Variants in MOB1B observed in about 807,000 individuals in gnomAD.
MOB1B encodes MOB1 Mps One Binder homolog B.
MOB1B carries 19 observed loss-of-function variants against 24.4 expected under a neutral mutation model. The observed-to-expected ratio is 0.78, with a 90% CI of 0.54 to 1.14. The LOEUF (loss-of-function observed/expected upper bound fraction) is 1.14, where lower values mean the gene tolerates loss of function less well. Ranked by LOEUF, MOB1B falls within the 50% of genes most tolerant of loss-of-function variation. The probability of loss-of-function intolerance (pLI) is 0.00; values close to 1 mark genes in which losing one functional copy is unlikely to be tolerated. For missense variants in MOB1B, 243 were observed against 259.6 expected, an observed-to-expected ratio of 0.94 and a Z score of 0.44; for synonymous variants, 76 against 82.1, an observed-to-expected ratio of 0.93 and a Z score of 0.40.
intron 1 of MOB1B, among the ~76,000 whole-genome samples, chr4:70,945,768 A>G (rs1737548280): frequency 6.6e-6 from 1 of 152,218 alleles, no homozygotes; most frequent in Non-Finnish European, 1.5e-5. Flanking sequence ...GTCTGAACAC[A>G]GAGAAGGCAT....
intron 1 of MOB1B, 118 bp downstream of exon 1, chr4:70,902,668 C>T (rs1041882300): frequency 1.8e-5 from 17 of 961,394 alleles, no homozygotes; most frequent in African/African-American, 1.8e-5. Context: ...GCTCCCGGGG[C>T]CCGGCGTCAC....
chr4:70,957,511 G>T (rs1738117330), intron 1 of MOB1B, among the ~76,000 whole-genome samples: 1 of 150,796 alleles, frequency 6.6e-6, no homozygotes, highest in East Asian at 1.9e-4. Flanking sequence ...ATTGCTCACT[G>T]CAGTCTTGAA....
At chr4:70,909,710 C>T (rs62325390) in intron 1 of MOB1B, among the ~76,000 whole-genome samples, 1 of 151,888 alleles carries the variant, frequency 6.6e-6, no homozygotes, top group Non-Finnish European at 1.5e-5. Context: ...AAGTCTAGGT[C>T]CAGAGATCCT....
chr4:70,967,253 C>T (rs1738570349), intron 2 of MOB1B, among the ~76,000 whole-genome samples: 1 of 152,096 alleles, frequency 6.6e-6, no homozygotes, highest in South Asian at 2.1e-4. Context: ...CCTGTCTCAG[C>T]CCCCTGAGTA....
At chr4:70,911,582 C>G (rs1395000489) in intron 1 of MOB1B, among the ~76,000 whole-genome samples, 1 of 151,396 alleles carries the variant, frequency 6.6e-6, no homozygotes, top group Non-Finnish European at 1.5e-5. Flanking sequence ...GCTTTTTTTT[C>G]CTTTACATAC....
At chr4:70,908,847 C>G (rs1201007284) in intron 1 of MOB1B, among the ~76,000 whole-genome samples, 1 of 148,930 alleles carries the variant, frequency 6.7e-6, no homozygotes, top group African/African-American at 2.5e-5. Flanking sequence ...GTCAGGAGTT[C>G]AAGACCAGCC....
At chr4:70,966,074 TTA>T (rs1380280794) in intron 2 of MOB1B, among the ~76,000 whole-genome samples, 1 of 152,156 alleles carries the variant, frequency 6.6e-6, no homozygotes, top group Non-Finnish European at 1.5e-5. Context: ...AATATTAGTT[TTA>T]TGAGTTCTAC....
Position 70,970,041 on chromosome 4 carries a change from G to C in MOB1B, c.275+17G>C, listed in dbSNP as rs751466380. 8.7e-6 allele frequency: 12 copies of C among 1,382,702 alleles called. No individual in the cohort carries two copies. The Admixed American group carries it at 2.1e-4, about 24-fold the overall frequency. The allele number at this position is 1,382,702 out of a possible 1,614,324, so 85.7% of individuals were successfully genotyped here. ...TGGCCCAAAGTAAGACATAGTTAATGATCAGTTTCTTATTTTTACATTATT... is the reference window on the plus strand; with the variant it reads ...TGGCCCAAAGTAAGACATAGTTAATCATCAGTTTCTTATTTTTACATTATT... On this transcript the variant is annotated intron_variant, in intron 3 of 5. Transcript: ENST00000309395.
chr4:70,902,545 C>T lies in MOB1B; in HGVS notation c.9C>T (p.Phe3=). The change falls in exon 1 of 6, where the codon TTC becomes TTT. Residue 3 remains phenylalanine, a synonymous_variant. Coordinates refer to ENST00000309395, the MANE Select transcript of MOB1B (RefSeq NM_173468.4). MS[F]LFGSRSSKTF... is the part of the protein sequence containing the mutation. ...CCTGCCCCGCGGCCAACATGAGCTT[C>T]TTGTTGTGAGTAGCCAGGCCCCGCA... 1 of 1,564,442 alleles carries T rather than the reference C, an allele frequency of 6.4e-7. No individual in the cohort carries two copies. Among genetic ancestry groups the T allele is most frequent in the South Asian group, 1.2e-5 (1 of 85,288 alleles).
chr4:70,966,762 G>T (rs1330600770), intron 2 of MOB1B, among the ~76,000 whole-genome samples: 1 of 152,024 alleles, frequency 6.6e-6, no homozygotes, highest in African/African-American at 2.4e-5. Context: ...GATTGAGGTG[G>T]GAGGATTGTT....
chr4:70,933,086 A>C (rs1166103905), intron 1 of MOB1B, among the ~76,000 whole-genome samples: 2 of 152,144 alleles, frequency 1.3e-5, no homozygotes, highest in African/African-American at 4.8e-5. Context: ...AGGCCTCAGG[A>C]AACTTAACAA....
chr4:70,958,168 C>CTT (rs112338268), intron 1 of MOB1B, among the ~76,000 whole-genome samples: 2 of 141,804 alleles, frequency 1.4e-5, no homozygotes, highest in Non-Finnish European at 1.6e-5. Flanking sequence ...TCTTTTCTTT[C>CTT]TTTTTTTTTT....
At chr4:70,963,449 G>A (rs796154409) in intron 2 of MOB1B, among the ~76,000 whole-genome samples, 3 of 152,228 alleles carry the variant, frequency 2.0e-5, no homozygotes, top group African/African-American at 7.2e-5. Flanking sequence ...GCAAATAGTA[G>A]GATATTAATA....
At chr4:70,977,548 T>C (rs1442148337) in intron 4 of MOB1B, among the ~76,000 whole-genome samples, 1 of 152,224 alleles carries the variant, frequency 6.6e-6, no homozygotes, top group Non-Finnish European at 1.5e-5. Context: ...TATGATGTTA[T>C]GAGATTATAC....
In MOB1B at chr4:70,979,160, G is replaced by C. The variant is rs1479767686; in HGVS notation, c.442G>C (p.Ala148Pro). The change falls in exon 5 of 6, where the codon GCA becomes CCA. Residue 148 changes from alanine to proline, a missense_variant. Coordinates refer to ENST00000309395, the MANE Select transcript of MOB1B (RefSeq NM_173468.4). The stretch of plus-strand genomic sequence containing the variant: ...GTTCCCAAAGAATTTCATGTCTGTG[G>C]CAAAAACTATACTCAAACGCCTCTT... ...VPFPKNFMSV[A>P]KTILKRLFRV... The C allele has an allele frequency of 1.2e-6, 2 of 1,613,290 alleles. No homozygotes were observed. Among genetic ancestry groups the C allele is most frequent in the Admixed American group, 3.3e-5 (2 of 59,964 alleles).
At chr4:70,934,786 A>G (rs752924564) in intron 1 of MOB1B, among the ~76,000 whole-genome samples, 29 of 152,222 alleles carry the variant, frequency 1.9e-4, no homozygotes, top group East Asian at 1.3e-3. Context: ...CCTCTTATGC[A>G]TAACTTGATG....
chr4:70,946,081 G>GTTTTTTTTTT (rs1560648567), intron 1 of MOB1B, among the ~76,000 whole-genome samples: 1 of 85,164 alleles, frequency 1.2e-5, no homozygotes. Context: ...GTTTTTGTTT[G>GTTTTTTTTTT]TTCTTTTTTT....
intron 1 of MOB1B, chr4:70,950,888 A>G: frequency 2.5e-6 from 2 of 810,024 alleles, no homozygotes; most frequent in South Asian, 2.9e-5. Flanking sequence ...TAAGGTAGGT[A>G]TTATTATCTC....
At chr4:70,965,071 G>T (rs1242814914) in intron 2 of MOB1B, among the ~76,000 whole-genome samples, 7 of 151,788 alleles carry the variant, frequency 4.6e-5, no homozygotes, top group Non-Finnish European at 1.0e-4. Context: ...GCCGAGGTAG[G>T]TGGATACTTG....
Sources: gnomAD v4.1 joint callset for allele counts (sites outside exome capture counted in the v4.1 genomes callset) on GRCh38, gnomAD v4.1.1 for gene constraint, MANE v1.5 for transcripts, NCBI Gene and HGNC (gene_info 2026-07-23, HGNC 2026-07-21) for gene names.